Variants in MAP2K4 observed in about 807,000 individuals in gnomAD.
MAP2K4 encodes dual specificity mitogen-activated protein kinase kinase 4.
Under a neutral mutation model 48.5 loss-of-function variants are expected in MAP2K4, and 4 were observed. That is an observed-to-expected ratio of 0.08 (90% CI 0.04 to 0.19). The LOEUF is 0.19. Among genes scored for constraint, MAP2K4 ranks in the 10% least tolerant of loss-of-function variants. The pLI is 1.00. For synonymous variants in MAP2K4, 166 were observed against 173.1 expected, an observed-to-expected ratio of 0.96 and a Z score of 0.32; for missense variants, 258 against 493.3, an observed-to-expected ratio of 0.52 and a Z score of 4.52.
intron 9 of MAP2K4, among the ~76,000 whole-genome samples, chr17:12,136,157 A>G (rs1055403687): frequency 2.0e-5 from 3 of 152,230 alleles, no homozygotes; most frequent in South Asian, 4.1e-4. Context: ...AAATGATTCC[A>G]AAAAATAAAG....
At chr17:12,050,956 A>C (rs997233997) in intron 1 of MAP2K4, among the ~76,000 whole-genome samples, 6 of 152,136 alleles carry the variant, frequency 3.9e-5, no homozygotes, top group African/African-American at 1.4e-4. Context: ...AAATTTGAGG[A>C]AGACACTGTG....
intron 7 of MAP2K4, among the ~76,000 whole-genome samples, chr17:12,117,383 A>C (rs1972536473): frequency 6.6e-6 from 1 of 151,992 alleles, no homozygotes; most frequent in Admixed American, 6.6e-5. Flanking sequence ...GGTGCACCAC[A>C]TCTTGTTGAT....
intron 2 of MAP2K4, among the ~76,000 whole-genome samples, chr17:12,059,498 T>G (rs1970383754): frequency 6.6e-6 from 1 of 152,210 alleles, no homozygotes; most frequent in Admixed American, 6.5e-5. Context: ...GAACATCCCT[T>G]TTATCTTCAT....
chr17:12,109,759 G>A (rs140009354), intron 5 of MAP2K4, among the ~76,000 whole-genome samples: 1 of 152,232 alleles, frequency 6.6e-6, no homozygotes, highest in Non-Finnish European at 1.5e-5. Context: ...AATTGAAATC[G>A]ATTTTGCTGC....
intron 7 of MAP2K4, among the ~76,000 whole-genome samples, chr17:12,113,748 A>G (rs1972385032): frequency 2.0e-5 from 3 of 152,210 alleles, no homozygotes; most frequent in East Asian, 1.9e-4. Flanking sequence ...CTGAAGCTGC[A>G]TATTTTGAAT....
intron 3 of MAP2K4, among the ~76,000 whole-genome samples, chr17:12,089,165 G>C (rs761159420): frequency 5.9e-5 from 9 of 152,064 alleles, no homozygotes; most frequent in Non-Finnish European, 1.2e-4. Flanking sequence ...ACCTGCCTCG[G>C]CCTCCTAAAG....
chr17:12,084,879 ATC>A (rs1971308753), intron 3 of MAP2K4, among the ~76,000 whole-genome samples: 1 of 152,142 alleles, frequency 6.6e-6, no homozygotes, highest in Non-Finnish European at 1.5e-5. Context: ...ACCTAGCATC[ATC>A]AGTCAGAATC....
At chr17:12,052,343 A>G (rs898068351) in intron 1 of MAP2K4, among the ~76,000 whole-genome samples, 1 of 152,174 alleles carries the variant, frequency 6.6e-6, no homozygotes, top group Admixed American at 6.5e-5. Flanking sequence ...TCTCTTCATC[A>G]TGGTGTACGT....
chr17:12,069,812 A>G (rs1272618525), intron 2 of MAP2K4: 1 of 666,702 alleles, frequency 1.5e-6, no homozygotes, highest in Non-Finnish European at 2.3e-6. Context: ...AGATCGTAAC[A>G]GTACGGACAC....
chr17:12,063,105 A>G (rs1342990644), intron 2 of MAP2K4, among the ~76,000 whole-genome samples: 1 of 152,132 alleles, frequency 6.6e-6, no homozygotes, highest in Non-Finnish European at 1.5e-5. Context: ...CTTTTAAAAT[A>G]TGTGTAATGT....
At chr17:12,052,064 T>C (rs1249787667) in intron 1 of MAP2K4, among the ~76,000 whole-genome samples, 1 of 152,170 alleles carries the variant, frequency 6.6e-6, no homozygotes, top group Non-Finnish European at 1.5e-5. Flanking sequence ...AAACTGCCTT[T>C]CAAGTTCATC....
chr17:12,052,724 G>C (rs1970180412), intron 1 of MAP2K4, among the ~76,000 whole-genome samples: 2 of 152,128 alleles, frequency 1.3e-5, no homozygotes, highest in South Asian at 4.1e-4. Context: ...TTTGATTTGA[G>C]GAGTTTGTAA....
chr17:12,091,109 C>T (rs1971547521), intron 3 of MAP2K4, among the ~76,000 whole-genome samples: 2 of 152,122 alleles, frequency 1.3e-5, no homozygotes, highest in African/African-American at 4.8e-5. Flanking sequence ...AGAACAGCAC[C>T]ACATTTACAT....
intron 2 of MAP2K4, among the ~76,000 whole-genome samples, chr17:12,074,160 C>G (rs745522375): frequency 6.6e-6 from 1 of 152,038 alleles, no homozygotes; most frequent in African/African-American, 2.4e-5. Context: ...TCCATCCTTT[C>G]GTTTTTTTAA....
Position 12,129,148 on chromosome 17 carries a change from G to T in MAP2K4, c.901G>T (p.Ala301Ser), listed in dbSNP as rs781002756. 2 of 1,613,666 alleles carry T rather than the reference G, an allele frequency of 1.2e-6. No homozygotes were observed. Among genetic ancestry groups the T allele is most frequent in the Non-Finnish European group, 1.7e-6 (2 of 1,179,952 alleles). ...TCTTTGTTCTCTTTAGTATGAGTTG[G>T]CCACAGGCCGATTTCCTTATCCAAA... ...WSLGITLYEL[A>S]TGRFPYPKWN... The change falls in exon 9 of 11, where the codon GCC (alanine) becomes TCC (serine). Residue 301 changes from alanine to serine, a missense_variant. This residue lies in a region of MAP2K4 where 132 missense variants were observed against 352.8 expected (regional missense o/e 0.37). Coordinates refer to ENST00000353533, the MANE Select transcript of MAP2K4 (RefSeq NM_003010.4).
In MAP2K4 at chr17:12,113,670, A is replaced by C. The variant is rs559340683; in HGVS notation, c.813+310A>C. Among the ~76,000 whole-genome samples the C allele has an allele frequency of 2.6e-5, 4 of 152,338 alleles. No individual in the cohort carries two copies. The South Asian group carries it at 8.3e-4, about 32-fold the overall frequency. On this transcript the variant is annotated intron_variant, in intron 7 of 10. Transcript: ENST00000353533. ...GATGGTAACTTCTCAGAAAGTTCCC[A>C]CCGTCCCTTAGTGAGACAAATGGGA...
At chr17:12,063,125 A>T (rs192383102) in intron 2 of MAP2K4, among the ~76,000 whole-genome samples, 17 of 152,272 alleles carry the variant, frequency 1.1e-4, no homozygotes, top group African/African-American at 3.9e-4. Flanking sequence ...TGACATTTTG[A>T]TTCTAAAATA....
intron 3 of MAP2K4, among the ~76,000 whole-genome samples, chr17:12,092,660 G>A (rs955566670): frequency 6.6e-6 from 1 of 152,036 alleles, no homozygotes; most frequent in East Asian, 1.9e-4. Context: ...GGTCCTTTAG[G>A]CCTTTTGAAA....
At chr17:12,062,942 A>T (rs1970498583) in intron 2 of MAP2K4, among the ~76,000 whole-genome samples, 4 of 129,400 alleles carry the variant, frequency 3.1e-5, no homozygotes, top group South Asian at 2.5e-4. Flanking sequence ...TCCTCCCCTT[A>T]CCTTTCTTTT....
Sources: allele counts gnomAD v4.1 joint callset (sites outside exome capture counted in the v4.1 genomes callset), GRCh38; gene constraint gnomAD v4.1.1; regional missense constraint gnomAD v4.1.1; transcripts MANE v1.5; gene names NCBI Gene and HGNC (gene_info 2026-07-23, HGNC 2026-07-21).